The following PIK3R4 variants were observed in gnomAD, a reference collection of about 807,000 sequenced individuals.
The protein encoded by PIK3R4 is phosphoinositide 3-kinase regulatory subunit 4.
PIK3R4 carries 46 observed loss-of-function variants against 136.5 expected under a neutral mutation model. The ratio of observed to expected loss-of-function variants is 0.34; its 90% confidence interval spans 0.27 to 0.43. PIK3R4 has a LOEUF of 0.43. PIK3R4 is among the 20% of genes least tolerant of loss of function. The probability of loss-of-function intolerance (pLI) is 1.00; values close to 1 mark genes in which losing one functional copy is unlikely to be tolerated. For synonymous variants in PIK3R4, 557 were observed against 566.7 expected (o/e 0.98, Z 0.24); for missense variants, 1,331 against 1,649.5 (o/e 0.81, Z 3.35).
chr3:130,703,266 T>C (rs777842356), intron 13 of PIK3R4, among the ~76,000 whole-genome samples: 3 of 152,180 alleles, frequency 2.0e-5, no homozygotes, highest in African/African-American at 4.8e-5. Flanking sequence ...CACAAAGACC[T>C]TTCTGCTGTT....
intron 1 of PIK3R4, among the ~76,000 whole-genome samples, chr3:130,745,697 T>C (rs561764348): frequency 6.6e-6 from 1 of 152,348 alleles, no homozygotes; most frequent in East Asian, 1.9e-4. Flanking sequence ...CAAGAATCTG[T>C]AGTTTCTTGG....
intron 8 of PIK3R4, 27 bp from the exon 9 acceptor site, chr3:130,716,626 G>A (rs1321379747): frequency 1.4e-6 from 2 of 1,422,056 alleles, no homozygotes; most frequent in African/African-American, 1.4e-5. Context: ...AAAAGGATCA[G>A]CCAAAAATAT....
rs1286112739 is a variant in PIK3R4 at position 130,746,523 on chromosome 3, A to T, written c.-252T>A. ...GGAACCCCGGTGGTCCTGGGAGGAG[A>T]ACTGGGAAAGCTCTCGGGGTCTCAG... is the stretch of plus-strand genomic sequence containing the variant. On this transcript the variant is annotated 5_prime_UTR_variant, in exon 1 of 20. Coordinates refer to ENST00000356763, the MANE Select transcript of PIK3R4 (RefSeq NM_014602.3). 6.6e-6 allele frequency: 1 copy of T among 151,978 alleles called. No homozygotes were observed. The highest frequency in any genetic ancestry group is 1.5e-5 in the Non-Finnish European group (1 of 68,116). The allele number at this position is 151,978 out of a possible 1,614,324, so 9.4% of individuals were successfully genotyped here. A position where few individuals can be genotyped will look rare whatever the true frequency, so the allele number is the denominator to read the frequency against.
intron 5 of PIK3R4, 44 bp from the exon 6 acceptor site, chr3:130,728,728 T>C (rs1037242891): frequency 8.2e-7 from 1 of 1,225,130 alleles, no homozygotes; most frequent in Non-Finnish European, 1.1e-6. Context: ...AGAAAAGAAA[T>C]AGTTAAGAAA....
chr3:130,745,313 C>T, intron 1 of PIK3R4, 49 bp from the exon 2 acceptor site: 1 of 1,236,086 alleles, frequency 8.1e-7, no homozygotes, highest in Non-Finnish European at 1.1e-6. Flanking sequence ...AACAAAGAAG[C>T]TGTGAAACAC....
intron 14 of PIK3R4, among the ~76,000 whole-genome samples, chr3:130,689,573 T>A (rs924633281): frequency 1.2e-4 from 18 of 152,082 alleles, no homozygotes; most frequent in African/African-American, 3.9e-4. Flanking sequence ...CCAACAAATA[T>A]CCCTTTCTGC....
chr3:130,742,969 C>CCA (rs2066832293), intron 2 of PIK3R4, among the ~76,000 whole-genome samples: 1 of 152,086 alleles, frequency 6.6e-6, no homozygotes, highest in Non-Finnish European at 1.5e-5. Context: ...GGGAAGGAGT[C>CCA]CACTGATTTC....
chr3:130,721,005 C>T (rs533273267), intron 7 of PIK3R4, among the ~76,000 whole-genome samples: 15 of 152,054 alleles, frequency 9.9e-5, no homozygotes, highest in Admixed American at 2.6e-4. Flanking sequence ...CCACTGCACT[C>T]CAGCCTGGGT....
At position 130,746,790 on chromosome 3, in the gene PIK3R4, G is replaced by C. The variant is rs550758879; in HGVS notation, c.-519C>G. The stretch of plus-strand genomic sequence containing the variant: ...CTACACTTCAGCTGCTGCAGCCCCA[G>C]CAAACGCCGAACTCCCGGGAAAGCA... On this transcript the variant is annotated 5_prime_UTR_variant, in exon 1 of 20. Transcript: ENST00000356763. 1 of 152,394 alleles carries C rather than the reference G, an allele frequency of 6.6e-6. No individual in the cohort carries two copies. Among genetic ancestry groups the C allele is most frequent in the Admixed American group, 6.5e-5 (1 of 15,300 alleles). The allele number at this position is 152,394 out of a possible 1,614,324, so 9.4% of individuals were successfully genotyped here. A position where few individuals can be genotyped will look rare whatever the true frequency, so the allele number is the denominator to read the frequency against.
At chr3:130,736,260 C>T (rs1036773557) in intron 2 of PIK3R4, among the ~76,000 whole-genome samples, 1 of 152,100 alleles carries the variant, frequency 6.6e-6, no homozygotes, top group Non-Finnish European at 1.5e-5. Context: ...ATAATTCCCC[C>T]GTTCTGTAAT....
At chr3:130,679,561 C>T (rs2066441929) in intron 19 of PIK3R4, 76 bp from the exon 20 acceptor site, 2 of 939,882 alleles carry the variant, frequency 2.1e-6, no homozygotes, top group African/African-American at 1.6e-5. Flanking sequence ...AGTAGTCCTG[C>T]TTCTGAGATA....
intron 2 of PIK3R4, among the ~76,000 whole-genome samples, chr3:130,738,566 C>G (rs528191026): frequency 2.6e-4 from 40 of 152,086 alleles, no homozygotes; most frequent in African/African-American, 9.2e-4. Flanking sequence ...TGGCAACGAG[C>G]ACTAGATAGA....
At chr3:130,743,525 C>T (rs150064299) in intron 2 of PIK3R4, among the ~76,000 whole-genome samples, 1 of 152,222 alleles carries the variant, frequency 6.6e-6, no homozygotes, top group African/African-American at 2.4e-5. Flanking sequence ...AAACAGACCT[C>T]ATCATCTTCC....
At position 130,720,218 on chromosome 3, in the gene PIK3R4, G is replaced by A. The variant is rs145460596; in HGVS notation, c.1982-1684C>T. On this transcript the variant is annotated intron_variant, in intron 7 of 19. Transcript: ENST00000356763. ...CTTTTCTTCCTTTTTTTTTTGAGAC[G>A]GAGTTTCGCTCTTATTGCCCAGGCT... Among the ~76,000 whole-genome samples, 421 of 151,440 alleles carry A rather than the reference G, an allele frequency of 2.8e-3. 2 individuals carry two copies. The highest frequency in any genetic ancestry group is 9.8e-3 in the African/African-American group (405 of 41,314).
intron 9 of PIK3R4, among the ~76,000 whole-genome samples, chr3:130,715,116 C>T (rs1559825899): frequency 6.7e-6 from 1 of 149,852 alleles, no homozygotes; most frequent in Non-Finnish European, 1.5e-5. Context: ...TCTATTTTTT[C>T]CCGACTTTTT....
At chr3:130,689,866 G>GT (rs1315255267) in intron 14 of PIK3R4, among the ~76,000 whole-genome samples, 4 of 152,230 alleles carry the variant, frequency 2.6e-5, no homozygotes, top group South Asian at 2.1e-4. Flanking sequence ...TCTTCAGTGT[G>GT]TAACACATAT....
In PIK3R4 at chr3:130,686,323, CAG is replaced by C; in HGVS notation, c.3361_3362del (p.Leu1121GlyfsTer6). The C allele has an allele frequency of 6.2e-7, 1 of 1,613,328 alleles. No homozygotes were observed. The highest frequency in any genetic ancestry group is 8.5e-7 in the Non-Finnish European group (1 of 1,179,360). ...VLAYATVNGS[L>X]VGWDLRSSSN... ...TTGAAGACCTAAGGTCCCAGCCAAC[CAG>C]AGAGCCATTCACAGTGGCATAGGCA... On this transcript the variant is annotated frameshift_variant, in exon 15 of 20. Coordinates refer to ENST00000356763, the MANE Select transcript of PIK3R4 (RefSeq NM_014602.3). LOFTEE classifies it high-confidence loss of function.
At chr3:130,705,806 G>C in intron 11 of PIK3R4, 35 bp from the exon 12 acceptor site, 1 of 1,264,892 alleles carries the variant, frequency 7.9e-7, no homozygotes. Flanking sequence ...TATTTACGTC[G>C]TAAGCAAAGT....
chr3:130,694,090 T>C (rs996088260), intron 13 of PIK3R4, among the ~76,000 whole-genome samples: 1 of 152,114 alleles, frequency 6.6e-6, no homozygotes, highest in Non-Finnish European at 1.5e-5. Context: ...GTCAGTTCTA[T>C]ACCATGAATA....
Sources: gnomAD v4.1 joint callset for allele counts (sites outside exome capture counted in the v4.1 genomes callset) on GRCh38, gnomAD v4.1.1 for gene constraint, MANE v1.5 for transcripts, NCBI Gene and HGNC (gene_info 2026-07-23, HGNC 2026-07-21) for gene names.